PDGFRL: variants seen among roughly 807,000 people sequenced by gnomAD.
PDGFRL encodes the protein platelet-derived growth factor receptor-like protein.
A neutral mutation model predicts 37.2 loss-of-function variants in PDGFRL; 46 were observed. The ratio of observed to expected loss-of-function variants is 1.24; its 90% CI spans 0.98 to 1.58. The LOEUF is 1.58. PDGFRL is among the 40% of genes most tolerant of loss of function. The probability of loss-of-function intolerance (pLI) is 0.00; values close to 1 mark genes in which losing one functional copy is unlikely to be tolerated. For synonymous variants in PDGFRL, 251 were observed against 184.3 expected (o/e 1.36, Z -2.93); for missense variants, 692 against 467.6 (o/e 1.48, Z -4.43).
intron 1 of PDGFRL, among the ~76,000 whole-genome samples, chr8:17,579,745 G>C (rs2150805947): frequency 6.6e-6 from 1 of 152,008 alleles, no homozygotes; most frequent in East Asian, 1.9e-4. Flanking sequence ...TCTGGCCTGT[G>C]ACCCAATGAA....
intron 3 of PDGFRL, among the ~76,000 whole-genome samples, chr8:17,628,187 G>T (rs190942546): frequency 6.6e-6 from 1 of 151,116 alleles, no homozygotes; most frequent in African/African-American, 2.4e-5. Context: ...GTACAGATGG[G>T]GTTTCACCGT....
At chr8:17,599,112 C>G (rs555334604) in intron 2 of PDGFRL, among the ~76,000 whole-genome samples, 1 of 152,252 alleles carries the variant, frequency 6.6e-6, no homozygotes, top group African/African-American at 2.4e-5. Flanking sequence ...CACATTGCAC[C>G]TTTATGTCTT....
intron 2 of PDGFRL, among the ~76,000 whole-genome samples, chr8:17,609,269 G>A (rs1804352304): frequency 6.6e-6 from 1 of 151,946 alleles, no homozygotes; most frequent in Non-Finnish European, 1.5e-5. Context: ...CACTTTGGGT[G>A]GCTGAGGCTG....
intron 3 of PDGFRL, among the ~76,000 whole-genome samples, chr8:17,624,316 G>C (rs10112858): frequency 0.66 from 100,280 of 152,162 alleles, 36,024 homozygotes; most frequent in Non-Finnish European, 0.81. Context: ...TTGGGGGACT[G>C]ACTGTTGTTA....
intron 2 of PDGFRL, among the ~76,000 whole-genome samples, chr8:17,610,908 C>T (rs771306559): frequency 1.3e-5 from 2 of 149,258 alleles, no homozygotes; most frequent in Non-Finnish European, 3.0e-5. Flanking sequence ...GATTCCGTCT[C>T]AAAAAAAATT....
At chr8:17,587,264 T>C (rs904668635) in intron 1 of PDGFRL, among the ~76,000 whole-genome samples, 1 of 152,198 alleles carries the variant, frequency 6.6e-6, no homozygotes, top group African/African-American at 2.4e-5. Flanking sequence ...ATAGCAAATA[T>C]TTGGATGCAT....
At chr8:17,595,070 C>G (rs1289995646) in intron 2 of PDGFRL, among the ~76,000 whole-genome samples, 1 of 152,062 alleles carries the variant, frequency 6.6e-6, no homozygotes, top group Non-Finnish European at 1.5e-5. Context: ...AATACACAAG[C>G]CGGGTCAGGA....
chr8:17,608,715 T>G (rs983913309), intron 2 of PDGFRL, among the ~76,000 whole-genome samples: 6 of 152,146 alleles, frequency 3.9e-5, no homozygotes, highest in African/African-American at 1.4e-4. Context: ...ACAAGCAGCT[T>G]AAGAACTAGT....
chr8:17,606,844 A>G (rs1350287991), intron 2 of PDGFRL, among the ~76,000 whole-genome samples: 2 of 151,692 alleles, frequency 1.3e-5, no homozygotes, highest in Non-Finnish European at 2.9e-5. Context: ...TACTGTACCC[A>G]AAGGAGGTAA....
chr8:17,642,698 T>G lies in PDGFRL; in HGVS notation c.1025T>G (p.Ile342Ser). The change falls in exon 6 of 6, where the codon ATT becomes AGT. Residue 342 changes from isoleucine to serine, a missense_variant. Transcript: ENST00000251630. The part of the protein sequence containing the change: ...GHTTRISQSV[I>S]TVEDFETIDA... ...ACCACGAGAATCTCCCAGAGTGTCA[T>G]TACAGTGGAAGACTTTGAGACGATT... The G allele has an allele frequency of 6.2e-7, 1 of 1,603,602 alleles. No individual in the cohort carries two copies. The highest frequency in any genetic ancestry group is 8.5e-7 in the Non-Finnish European group (1 of 1,170,358).
In PDGFRL at chr8:17,589,772, A is replaced by AT. The variant is rs570366877; in HGVS notation, c.353+16dup. The AT allele has an allele frequency of 1.1e-3, 1,776 of 1,550,838 alleles. 12 individuals are homozygous for AT. The African/African-American group carries it at 0.015, about 13-fold the overall frequency. ...TTAAGGATTCTCGCCTCAGGTAAGC[A>AT]TTTTTTTTTAAAACTGTGTAGGGTT... On this transcript the variant is annotated splice_region_variant and intron_variant, in intron 2 of 5. Transcript: ENST00000251630.
chr8:17,622,599 A>G (rs967982289), intron 3 of PDGFRL, among the ~76,000 whole-genome samples: 1 of 152,224 alleles, frequency 6.6e-6, no homozygotes, highest in East Asian at 1.9e-4. Flanking sequence ...TTTGATGCAG[A>G]CTTTTTACTC....
chr8:17,616,545 C>G (rs1804532726), intron 2 of PDGFRL, among the ~76,000 whole-genome samples: 1 of 152,152 alleles, frequency 6.6e-6, no homozygotes, highest in Non-Finnish European at 1.5e-5. Context: ...ACTTGTCGTC[C>G]AGAATAACAT....
chr8:17,637,709 T>G (rs1326566160), intron 5 of PDGFRL, among the ~76,000 whole-genome samples: 4 of 152,178 alleles, frequency 2.6e-5, no homozygotes, highest in Non-Finnish European at 4.4e-5. Context: ...GGCTTATTTT[T>G]GTTGGCAGTT....
At chr8:17,641,741 A>G (rs1250155107) in intron 5 of PDGFRL, among the ~76,000 whole-genome samples, 2 of 152,152 alleles carry the variant, frequency 1.3e-5, no homozygotes, top group Non-Finnish European at 2.9e-5. Flanking sequence ...TCCACAAGAC[A>G]CATTAAGTAG....
intron 5 of PDGFRL, among the ~76,000 whole-genome samples, chr8:17,634,859 A>C (rs1804937825): frequency 1.3e-5 from 2 of 152,172 alleles, no homozygotes; most frequent in African/African-American, 4.8e-5. Flanking sequence ...CAAAATAACT[A>C]ATGGGTACTA....
At chr8:17,589,251 C>G (rs1424500097) in intron 1 of PDGFRL, among the ~76,000 whole-genome samples, 1 of 151,844 alleles carries the variant, frequency 6.6e-6, no homozygotes, top group African/African-American at 2.4e-5. Context: ...TTGGGTGTGG[C>G]GGCGGGCACC....
intron 3 of PDGFRL, among the ~76,000 whole-genome samples, chr8:17,627,385 A>G (rs747672119): frequency 4.6e-5 from 7 of 152,174 alleles, no homozygotes; most frequent in Non-Finnish European, 5.9e-5. Context: ...GTGGATGTAA[A>G]TACATTTTCA....
chr8:17,579,917 C>T (rs144243244), intron 1 of PDGFRL, among the ~76,000 whole-genome samples: 1 of 152,120 alleles, frequency 6.6e-6, no homozygotes, highest in Non-Finnish European at 1.5e-5. Flanking sequence ...AGATGTCAAT[C>T]ATAGCACCTG....
Sources: allele counts gnomAD v4.1 joint callset (sites outside exome capture counted in the v4.1 genomes callset), GRCh38; gene constraint gnomAD v4.1.1; transcripts MANE v1.5; gene names NCBI Gene and HGNC (gene_info 2026-07-23, HGNC 2026-07-21).